CAMTA1: variants seen among roughly 807,000 people sequenced by gnomAD.
CAMTA1 encodes the protein calmodulin binding transcription activator 1.
CAMTA1 carries 27 observed loss-of-function variants against 170.9 expected under a neutral mutation model. The ratio of observed to expected loss-of-function variants is 0.16; its 90% CI spans 0.12 to 0.22. The LOEUF (loss-of-function observed/expected upper bound fraction) is 0.22. CAMTA1 is among the 10% of genes least tolerant of loss of function. CAMTA1 has a pLI of 1.00. For missense variants in CAMTA1, 1,619 were observed against 2,217.2 expected, an observed-to-expected ratio of 0.73 and a Z score of 5.42; for synonymous variants, 833 against 891.5, an observed-to-expected ratio of 0.93 and a Z score of 1.17.
intron 11 of CAMTA1, among the ~76,000 whole-genome samples, chr1:7,727,282 C>G (rs2096696128): frequency 6.6e-6 from 1 of 152,062 alleles, no homozygotes; most frequent in Non-Finnish European, 1.5e-5. Context: ...GCCACCACAC[C>G]CGGCTAATTT....
intron 3 of CAMTA1, among the ~76,000 whole-genome samples, chr1:7,037,496 G>A (rs1302005131): frequency 6.6e-6 from 1 of 152,158 alleles, no homozygotes; most frequent in Non-Finnish European, 1.5e-5. Context: ...TTCGCATTGG[G>A]CTTTATGCTA....
At chr1:7,045,348 G>T (rs995095815) in intron 3 of CAMTA1, among the ~76,000 whole-genome samples, 3 of 152,066 alleles carry the variant, frequency 2.0e-5, no homozygotes, top group African/African-American at 7.2e-5. Context: ...TGCCCGTCTG[G>T]CCCCCTCCTG....
rs7541145 is a variant in CAMTA1 at position 7,729,655 on chromosome 1, C to T, written c.2915-2793C>T. 3.6e-3 allele frequency among the ~76,000 whole-genome samples: 550 copies of T among 152,302 alleles called. 3 individuals are homozygous for T. The highest frequency in any genetic ancestry group is 0.013 in the African/African-American group (526 of 41,544). ...TCTTCTTGGCGTATCTGGTTATACTCCCAGCCCTGGGGCCAGACAGATGGG... is the reference window on the plus strand; with the variant it reads ...TCTTCTTGGCGTATCTGGTTATACTTCCAGCCCTGGGGCCAGACAGATGGG... On this transcript the variant is annotated intron_variant, in intron 11 of 22. Coordinates refer to ENST00000303635, the MANE Select transcript of CAMTA1 (RefSeq NM_015215.4).
At chr1:7,613,899 C>G (rs1425607684) in intron 6 of CAMTA1, among the ~76,000 whole-genome samples, 3 of 141,022 alleles carry the variant, frequency 2.1e-5, no homozygotes, top group Non-Finnish European at 3.0e-5. Context: ...CAGGCCGGAC[C>G]TAGAGTGTCA....
At chr1:6,834,171 A>G (rs1190685329) in intron 3 of CAMTA1, among the ~76,000 whole-genome samples, 2 of 141,180 alleles carry the variant, frequency 1.4e-5, no homozygotes, top group African/African-American at 5.3e-5. Flanking sequence ...TTTTTTTTTT[A>G]CTGTTAATCA....
At chr1:6,906,595 A>G (rs372483199) in intron 3 of CAMTA1, among the ~76,000 whole-genome samples, 4 of 152,270 alleles carry the variant, frequency 2.6e-5, no homozygotes, top group African/African-American at 9.6e-5. Flanking sequence ...ACCTTTAATA[A>G]TTATTGTTCA....
At chr1:7,711,304 T>G (rs1015721158) in intron 11 of CAMTA1, among the ~76,000 whole-genome samples, 1 of 152,260 alleles carries the variant, frequency 6.6e-6, no homozygotes, top group Non-Finnish European at 1.5e-5. Context: ...CACTTCCTAA[T>G]ACCATCACGT....
At chr1:7,046,741 A>G (rs750864849) in intron 3 of CAMTA1, among the ~76,000 whole-genome samples, 10 of 152,296 alleles carry the variant, frequency 6.6e-5, no homozygotes, top group Admixed American at 6.5e-5. Context: ...TTAAATGCTG[A>G]CCTCAATAAA....
At chr1:7,564,135 C>T (rs972330840) in intron 6 of CAMTA1, among the ~76,000 whole-genome samples, 2 of 152,172 alleles carry the variant, frequency 1.3e-5, no homozygotes, top group African/African-American at 2.4e-5. Context: ...CCGGATGTTC[C>T]GACCCCATGT....
intron 5 of CAMTA1, among the ~76,000 whole-genome samples, chr1:7,432,984 C>T (rs1200741950): frequency 6.6e-6 from 1 of 152,232 alleles, no homozygotes; most frequent in Admixed American, 6.5e-5. Flanking sequence ...CCAGACCCGA[C>T]AGACCCCCAG....
At chr1:7,409,469 A>G (rs2090546913) in intron 5 of CAMTA1, among the ~76,000 whole-genome samples, 2 of 152,188 alleles carry the variant, frequency 1.3e-5, no homozygotes, top group African/African-American at 4.8e-5. Flanking sequence ...CCAGTGGGAA[A>G]TGAGACCCAC....
At chr1:7,262,100 A>C (rs4908612) in intron 5 of CAMTA1, among the ~76,000 whole-genome samples, 1 of 152,034 alleles carries the variant, frequency 6.6e-6, no homozygotes, top group African/African-American at 2.4e-5. Context: ...CTAATTGTCA[A>C]CATAATGCCA....
intron 11 of CAMTA1, among the ~76,000 whole-genome samples, chr1:7,686,534 G>A (rs1411815625): frequency 6.6e-6 from 1 of 151,930 alleles, no homozygotes; most frequent in Non-Finnish European, 1.5e-5. Flanking sequence ...ATGGGAGAGG[G>A]CCAGGGGGTT....
At chr1:7,241,353 G>C (rs1319016449) in intron 4 of CAMTA1, among the ~76,000 whole-genome samples, 3 of 152,176 alleles carry the variant, frequency 2.0e-5, no homozygotes, top group Non-Finnish European at 4.4e-5. Flanking sequence ...ACTCAATATT[G>C]TTAAGATGGC....
intron 5 of CAMTA1, among the ~76,000 whole-genome samples, chr1:7,337,442 G>A (rs2083456169): frequency 6.6e-6 from 1 of 152,242 alleles, no homozygotes; most frequent in Non-Finnish European, 1.5e-5. Flanking sequence ...TAAATCAGCA[G>A]ACTTTGAGGG....
intron 3 of CAMTA1, among the ~76,000 whole-genome samples, chr1:6,859,382 T>C (rs1663774155): frequency 6.6e-6 from 1 of 152,182 alleles, no homozygotes; most frequent in South Asian, 2.1e-4. Flanking sequence ...GCCAATCCCT[T>C]ATTGGTTGTC....
At chr1:7,024,344 C>T (rs1166297054) in intron 3 of CAMTA1, among the ~76,000 whole-genome samples, 1 of 151,972 alleles carries the variant, frequency 6.6e-6, no homozygotes, top group African/African-American at 2.4e-5. Context: ...CTACTGAACA[C>T]CAGAGATAAA....
chr1:7,600,146 A>C (rs2095429083), intron 6 of CAMTA1, among the ~76,000 whole-genome samples: 1 of 151,836 alleles, frequency 6.6e-6, no homozygotes, highest in African/African-American at 2.4e-5. Flanking sequence ...AGTTTTCAGC[A>C]TGAAGGGTTG....
intron 10 of CAMTA1, among the ~76,000 whole-genome samples, chr1:7,675,466 TAGGG>T (rs1343821330): frequency 3.3e-5 from 5 of 151,984 alleles, no homozygotes; most frequent in African/African-American, 1.2e-4. Flanking sequence ...TTCTAGGTTG[TAGGG>T]AGGAAGAACA....
Sources: allele counts gnomAD v4.1 joint callset (sites outside exome capture counted in the v4.1 genomes callset), GRCh38; gene constraint gnomAD v4.1.1; transcripts MANE v1.5; gene names NCBI Gene and HGNC (gene_info 2026-07-23, HGNC 2026-07-21).